SUGCT: variants seen among roughly 807,000 people sequenced by gnomAD.
SUGCT encodes the protein succinyl-CoA:glutarate-CoA transferase.
In SUGCT, 41 loss-of-function variants were observed where a neutral mutation model predicts 55.0. The observed-to-expected ratio is 0.74, with a 90% confidence interval of 0.58 to 0.97. SUGCT has a LOEUF of 0.97. SUGCT is among the 50% of genes least tolerant of loss of function. The pLI is 0.00. For synonymous variants in SUGCT, 187 were observed against 200.4 expected (o/e 0.93, Z 0.56); for missense variants, 568 against 547.8 (o/e 1.04, Z -0.37).
intron 9 of SUGCT, among the ~76,000 whole-genome samples, chr7:40,335,038 G>A (rs1279311407): frequency 1.3e-5 from 2 of 152,138 alleles, no homozygotes; most frequent in East Asian, 3.8e-4. Flanking sequence ...GTTTTTCTCA[G>A]GTTTGTCAAA....
chr7:40,334,915 G>C (rs543572193), intron 9 of SUGCT, among the ~76,000 whole-genome samples: 51 of 152,274 alleles, frequency 3.3e-4, no homozygotes, highest in African/African-American at 9.4e-4. Flanking sequence ...AATCCATCTG[G>C]AATTAATTTT....
At chr7:40,269,868 C>G (rs576122911) in intron 7 of SUGCT, among the ~76,000 whole-genome samples, 2 of 151,876 alleles carry the variant, frequency 1.3e-5, no homozygotes, top group Admixed American at 6.6e-5. Flanking sequence ...TGGGTGTGAT[C>G]GCTCATGCCT....
intron 12 of SUGCT, among the ~76,000 whole-genome samples, chr7:40,690,724 A>ATGCCTGAC (rs1448513204): frequency 1.3e-5 from 2 of 152,178 alleles, no homozygotes; most frequent in Non-Finnish European, 2.9e-5. Flanking sequence ...ACGTGCCAAG[A>ATGCCTGAC]TGCCTGACTG....
intron 9 of SUGCT, among the ~76,000 whole-genome samples, chr7:40,335,274 A>G (rs942772318): frequency 2.6e-5 from 4 of 152,086 alleles, no homozygotes; most frequent in Non-Finnish European, 4.4e-5. Context: ...GTTTTTTCCA[A>G]TTCTGTGAAG....
At chr7:41,030,060 G>T in the SUGCT span, among the ~76,000 whole-genome samples, 6 of 152,122 alleles carry the variant, frequency 3.9e-5, no homozygotes, top group Admixed American at 2.6e-4. Context: ...ATGCATTAAG[G>T]CTTCTCCATG....
intron 7 of SUGCT, among the ~76,000 whole-genome samples, chr7:40,261,431 C>T (rs555385722): frequency 3.5e-4 from 53 of 152,294 alleles, no homozygotes; most frequent in Middle Eastern, 6.8e-3. Flanking sequence ...TAACACCTCT[C>T]AGCCTCATTA....
At chr7:40,841,072 T>TA (rs1793253217) in intron 13 of SUGCT, among the ~76,000 whole-genome samples, 1 of 152,080 alleles carries the variant, frequency 6.6e-6, no homozygotes, top group Non-Finnish European at 1.5e-5. Flanking sequence ...TCATCATTGT[T>TA]ATATTACTTA....
At chr7:40,276,249 A>G (rs1275560865) in intron 8 of SUGCT, among the ~76,000 whole-genome samples, 2 of 152,232 alleles carry the variant, frequency 1.3e-5, no homozygotes, top group Non-Finnish European at 2.9e-5. Flanking sequence ...ATAGAGAACT[A>G]CAGATGTTAG....
the SUGCT span, among the ~76,000 whole-genome samples, chr7:40,980,737 C>T: frequency 1.7e-4 from 26 of 152,186 alleles, no homozygotes; most frequent in East Asian, 3.9e-3. Flanking sequence ...CTCACTGTCA[C>T]CCAGCCTGGA....
intron 12 of SUGCT, among the ~76,000 whole-genome samples, chr7:40,704,794 A>G (rs764752792): frequency 1.6e-4 from 24 of 152,210 alleles, no homozygotes; most frequent in Non-Finnish European, 2.9e-4. Flanking sequence ...TAACTTATTT[A>G]CCCACAGAAC....
intron 1 of SUGCT, among the ~76,000 whole-genome samples, chr7:40,156,212 C>T (rs1004257912): frequency 2.6e-5 from 4 of 152,044 alleles, no homozygotes; most frequent in African/African-American, 2.4e-5. Flanking sequence ...ACCTATAATC[C>T]CAGAACTTTG....
At position 40,173,910 on chromosome 7, in the gene SUGCT, A is replaced by G. The variant is rs1053332495; in HGVS notation, c.101-7037A>G. Among the ~76,000 whole-genome samples, 4 of 128,266 alleles carry G rather than the reference A, an allele frequency of 3.1e-5. No homozygotes were observed. The East Asian group carries it at 6.5e-4, about 21-fold the overall frequency. The allele number at this position is 128,266 out of a possible 152,430, so 84.1% of individuals were successfully genotyped here. On this transcript the variant is annotated intron_variant, in intron 1 of 13. Coordinates refer to ENST00000335693, the MANE Select transcript of SUGCT (RefSeq NM_001193313.2). ...AACATAATTTATTTATATAATGTAT[A>G]TCCTGTGTGTGTGTGTGTGTGTGTG... is the stretch of plus-strand genomic sequence containing the variant.
At chr7:41,026,734 C>T in the SUGCT span, among the ~76,000 whole-genome samples, 1 of 152,108 alleles carries the variant, frequency 6.6e-6, no homozygotes, top group African/African-American at 2.4e-5. Flanking sequence ...GTTGTCTGAT[C>T]CTTAACTTTT....
intron 12 of SUGCT, among the ~76,000 whole-genome samples, chr7:40,737,192 C>A (rs2128701123): frequency 6.6e-6 from 1 of 152,230 alleles, no homozygotes; most frequent in African/African-American, 2.4e-5. Flanking sequence ...AAGTTCACAG[C>A]TTCGACATTG....
chr7:40,768,551 C>G (rs1177316327), intron 13 of SUGCT, among the ~76,000 whole-genome samples: 1 of 152,156 alleles, frequency 6.6e-6, no homozygotes, highest in African/African-American at 2.4e-5. Context: ...CCCACTCTAT[C>G]TTTCTATGAC....
chr7:40,178,286 C>T (rs1438445153), intron 1 of SUGCT, among the ~76,000 whole-genome samples: 1 of 152,098 alleles, frequency 6.6e-6, no homozygotes, highest in African/African-American at 2.4e-5. Context: ...CCTCTGTCTC[C>T]TATAGCTCCT....
Position 40,304,719 on chromosome 7 carries a change from GAAT to G in SUGCT, c.721-12001_721-11999del, listed in dbSNP as rs199825643. ...TTCCATTCCTGAGTTACTTCACTTAGAATAATAATAATAATAATAATAATAATA... is the reference window on the plus strand; with the variant it reads ...TTCCATTCCTGAGTTACTTCACTTAGAATAATAATAATAATAATAATAATA... On this transcript the variant is annotated intron_variant, in intron 8 of 13. Transcript: ENST00000335693. Among the ~76,000 whole-genome samples, 230 of 63,236 alleles carry G rather than the reference GAAT, an allele frequency of 3.6e-3. 1 individual carries two copies. The highest frequency in any genetic ancestry group is 8.8e-3 in the East Asian group (20 of 2,278). The allele number at this position is 63,236 out of a possible 152,430, so 41.5% of individuals were successfully genotyped here.
intron 12 of SUGCT, among the ~76,000 whole-genome samples, chr7:40,599,291 A>G (rs1398385346): frequency 3.9e-5 from 6 of 152,156 alleles, no homozygotes; most frequent in African/African-American, 1.4e-4. Context: ...TTAATTAGGA[A>G]ATTAAATTGT....
At chr7:40,326,112 A>C (rs1006538336) in intron 9 of SUGCT, among the ~76,000 whole-genome samples, 5 of 152,014 alleles carry the variant, frequency 3.3e-5, no homozygotes, top group Admixed American at 6.6e-5. Flanking sequence ...ACTCTTGACA[A>C]ACCAATTAAA....
Sources: gnomAD v4.1 joint callset for allele counts (sites outside exome capture counted in the v4.1 genomes callset) on GRCh38, gnomAD v4.1.1 for gene constraint, MANE v1.5 for transcripts, NCBI Gene and HGNC (gene_info 2026-07-23, HGNC 2026-07-21) for gene names.